MYCBP2: variants seen among roughly 807,000 people sequenced by gnomAD.
MYCBP2 encodes E3 ubiquitin-protein ligase MYCBP2.
Under a neutral mutation model 525.3 loss-of-function variants are expected in MYCBP2, and 120 were observed. The observed-to-expected ratio is 0.23, with a 90% CI of 0.20 to 0.27. The LOEUF (loss-of-function observed/expected upper bound fraction) is 0.27. Among genes scored for constraint, MYCBP2 ranks in the 10% least tolerant of loss-of-function variants. MYCBP2 has a pLI of 1.00. For synonymous variants in MYCBP2, 1,894 were observed against 1,955.8 expected (o/e 0.97, Z 0.83); for missense variants, 4,149 against 5,657.1 (o/e 0.73, Z 8.55).
intron 67 of MYCBP2, 95 bp from the exon 68 acceptor site, chr13:77,076,944 A>G (rs1030335771): frequency 9.6e-6 from 11 of 1,141,004 alleles, no homozygotes; most frequent in South Asian, 2.8e-5. Flanking sequence ...GTTTTATAAT[A>G]TGCTACTCTT....
chr13:77,121,884 G>C (rs189378605), intron 54 of MYCBP2, among the ~76,000 whole-genome samples: 11 of 151,986 alleles, frequency 7.2e-5, no homozygotes, highest in African/African-American at 2.7e-4. Context: ...AAAGTATTTT[G>C]CATATTAGTA....
At position 77,230,418 on chromosome 13, in the gene MYCBP2, C is replaced by T. The variant is rs201267307; in HGVS notation, c.2737+2738G>A. ...GAGAAAAATATATGTAGAAAAAATA[C>T]TTATTAAAAGACTGAAAATATGTAC... On this transcript the variant is annotated intron_variant, in intron 18 of 82. Transcript: ENST00000544440. Among the ~76,000 whole-genome samples the T allele has an allele frequency of 2.4e-4, 36 of 152,164 alleles. 1 individual carries two copies. The East Asian group carries it at 6.7e-3, about 29-fold the overall frequency.
intron 76 of MYCBP2, among the ~76,000 whole-genome samples, chr13:77,060,164 A>G (rs2039004377): frequency 6.6e-6 from 1 of 152,222 alleles, no homozygotes; most frequent in Non-Finnish European, 1.5e-5. Flanking sequence ...ATAAAACAAG[A>G]ACAGAGCAAT....
chr13:77,090,056 T>A (rs771007295), intron 60 of MYCBP2, 50 bp downstream of exon 60: 3 of 1,424,342 alleles, frequency 2.1e-6, no homozygotes, highest in East Asian at 4.9e-5. Context: ...ACAATTTTTT[T>A]ATTTGTAGTA....
intron 51 of MYCBP2, among the ~76,000 whole-genome samples, chr13:77,139,627 A>G (rs1471307514): frequency 6.6e-6 from 1 of 152,216 alleles, no homozygotes; most frequent in Non-Finnish European, 1.5e-5. Context: ...ATGTTTCCCA[A>G]AGGAATATGA....
chr13:77,297,906 T>G (rs2078364962), intron 1 of MYCBP2, among the ~76,000 whole-genome samples: 1 of 152,230 alleles, frequency 6.6e-6, no homozygotes, highest in African/African-American at 2.4e-5. Context: ...CCTGGACCAC[T>G]GCAAAAGCTT....
intron 18 of MYCBP2, among the ~76,000 whole-genome samples, chr13:77,226,035 A>G (rs1384792691): frequency 6.6e-6 from 1 of 152,234 alleles, no homozygotes; most frequent in Admixed American, 6.5e-5. Context: ...TACACTGCCC[A>G]TAAGTATTTT....
intron 31 of MYCBP2, 48 bp from the exon 32 acceptor site, chr13:77,185,425 T>C: frequency 6.5e-7 from 1 of 1,548,154 alleles, no homozygotes; most frequent in Non-Finnish European, 8.8e-7. Flanking sequence ...ATATTAAATA[T>C]GCATGAAAAC....
chr13:77,145,157 C>T (rs994097285), intron 48 of MYCBP2, among the ~76,000 whole-genome samples: 2 of 152,130 alleles, frequency 1.3e-5, no homozygotes, highest in Middle Eastern at 3.2e-3. Flanking sequence ...ACAATTTATC[C>T]TTATTAGGCT....
intron 36 of MYCBP2, among the ~76,000 whole-genome samples, chr13:77,174,936 A>G (rs1194787358): frequency 4.9e-5 from 1 of 20,494 alleles, no homozygotes; most frequent in African/African-American, 1.1e-4. Context: ...TATATAATAT[A>G]TATATATTTT....
Position 77,169,622 on chromosome 13 carries a change from T to C in MYCBP2, c.5887A>G (p.Ile1963Val), listed in dbSNP as rs200019716. The C allele has an allele frequency of 2.1e-4, 335 of 1,611,394 alleles. No homozygotes were observed. The highest frequency in any genetic ancestry group is 2.7e-4 in the Non-Finnish European group (321 of 1,177,936). ...IAYIGPVAAA[I>V]PKVAVEVFGL... The stretch of plus-strand genomic sequence containing the variant: ...AGAATTAAATTACACACCTTGGGAA[T>C]AGCAGCAGCTACTGGTCCTATGTAG... Residue 1963 changes from isoleucine to valine, a missense_variant, in exon 39 of 83, where the codon ATT becomes GTT. Physicochemically the swap from Ile to Val is conservative, Grantham distance 29 (BLOSUM62 3). Coordinates refer to ENST00000544440, the MANE Select transcript of MYCBP2 (RefSeq NM_015057.5).
chr13:77,257,036 T>C (rs2154334831), intron 14 of MYCBP2, among the ~76,000 whole-genome samples: 1 of 152,088 alleles, frequency 6.6e-6, no homozygotes, highest in Middle Eastern at 3.4e-3. Flanking sequence ...AAACACAAGG[T>C]AGTACTATTT....
intron 55 of MYCBP2, among the ~76,000 whole-genome samples, chr13:77,109,193 G>A (rs1369681516): frequency 6.6e-6 from 1 of 152,104 alleles, no homozygotes; most frequent in East Asian, 1.9e-4. Context: ...CTGGGACCAG[G>A]GACTGGTTTC....
chr13:77,224,208 T>C (rs2065958396), intron 20 of MYCBP2, among the ~76,000 whole-genome samples: 1 of 152,184 alleles, frequency 6.6e-6, no homozygotes, highest in Non-Finnish European at 1.5e-5. Context: ...ATAATCACTC[T>C]CCTATTTAAA....
intron 76 of MYCBP2, 39 bp downstream of exon 76, chr13:77,061,130 T>TG (rs750193649): frequency 6.4e-7 from 1 of 1,564,772 alleles, no homozygotes; most frequent in Admixed American, 2.1e-5. Flanking sequence ...TCTTTTTTTG[T>TG]GGGTTTTAAA....
chr13:77,326,611 T>TAGACCC lies in MYCBP2; in HGVS notation c.164_165insGGGTCT (p.Gly54_Leu55dup). 1 of 1,577,430 alleles carries TAGACCC rather than the reference T, an allele frequency of 6.3e-7. No individual in the cohort carries two copies. Among genetic ancestry groups the TAGACCC allele is most frequent in the South Asian group, 1.1e-5 (1 of 87,966 alleles). On this transcript the variant is annotated inframe_insertion, in exon 1 of 83. Transcript: ENST00000544440. This position sits in a 1 kb window ranked among gnomAD's most constrained non-coding sequence, Gnocchi z 4.2. ...AGTGACCCCGGGAGTCCGCGGCGGG[T>TAGACCC]AGCCCCAGCCCCAGCCCCGCAGCAG...
At chr13:77,059,060 A>AT (rs530844904) in intron 77 of MYCBP2, among the ~76,000 whole-genome samples, 10,548 of 146,632 alleles carry the variant, frequency 0.072, 595 homozygotes, top group East Asian at 0.17. Context: ...CAAAATGCAG[A>AT]TTTTTTTTTT....
intron 55 of MYCBP2, among the ~76,000 whole-genome samples, chr13:77,112,875 T>C (rs948522971): frequency 1.3e-5 from 2 of 152,186 alleles, no homozygotes; most frequent in Non-Finnish European, 2.9e-5. Flanking sequence ...ACAAACAAAA[T>C]AGAACAAAAA....
intron 26 of MYCBP2, among the ~76,000 whole-genome samples, chr13:77,201,547 T>C (rs1363536820): frequency 4.0e-5 from 6 of 151,858 alleles, no homozygotes; most frequent in Non-Finnish European, 8.8e-5. Context: ...GCGGACCTAA[T>C]AGACATCTAC....
Sources: allele counts gnomAD v4.1 joint callset (sites outside exome capture counted in the v4.1 genomes callset), GRCh38; gene constraint gnomAD v4.1.1; non-coding constraint Gnocchi (gnomAD v3.1); transcripts MANE v1.5; gene names NCBI Gene and HGNC (gene_info 2026-07-23, HGNC 2026-07-21).